The following PVR variants were observed in gnomAD, a reference collection of about 807,000 sequenced individuals.
PVR encodes the protein PVR cell adhesion molecule.
PVR carries 39 observed loss-of-function variants against 43.3 expected under a neutral mutation model. The ratio of observed to expected loss-of-function variants is 0.90; its 90% CI spans 0.70 to 1.18. The LOEUF (loss-of-function observed/expected upper bound fraction) is 1.18, where lower values mean the gene tolerates loss of function less well. PVR is among the 50% of genes most tolerant of loss of function. PVR has a pLI of 0.00. For missense variants in PVR, 480 were observed against 549.7 expected (o/e 0.87, Z 1.27); for synonymous variants, 224 against 233.2 (o/e 0.96, Z 0.36).
intron 1 of PVR, among the ~76,000 whole-genome samples, chr19:44,644,662 C>T (rs918695816): frequency 1.2e-4 from 18 of 151,446 alleles, no homozygotes; most frequent in African/African-American, 2.4e-5. Context: ...ACACCATTAC[C>T]CCTCTGACCC....
rs1042486293 is a variant in PVR, at chr19:44,663,725, C to T, written c.*1914C>T. ...CCATAAGGGCTGGGATTCCCAGGCA[C>T]CTTAGGAACAGCTTGTCTTTTTTTT... On this transcript the variant is annotated 3_prime_UTR_variant, in exon 8 of 8. Transcript: ENST00000425690. 6 of 151,318 alleles carry T rather than the reference C, an allele frequency of 4.0e-5. No homozygotes were observed. Among genetic ancestry groups the T allele is most frequent in the African/African-American group, 1.2e-4 (5 of 41,116 alleles). 9.4% of individuals were successfully genotyped at this position (151,318 alleles called of 1,614,324 possible).
intron 4 of PVR, among the ~76,000 whole-genome samples, chr19:44,655,717 T>G (rs1973425362): frequency 1.3e-5 from 2 of 152,196 alleles, no homozygotes; most frequent in South Asian, 4.1e-4. Context: ...CATAGGAATT[T>G]TCCAGTGAAC....
At position 44,665,179 on chromosome 19, in the gene PVR, T is replaced by G. The variant is rs1281579616; in HGVS notation, c.*3368T>G. 1 of 151,892 alleles carries G rather than the reference T, an allele frequency of 6.6e-6. No homozygotes were observed. The highest frequency in any genetic ancestry group is 1.5e-5 in the Non-Finnish European group (1 of 67,984). The allele number at this position is 151,892 out of a possible 1,614,324, so 9.4% of individuals were successfully genotyped here. A position where few individuals can be genotyped will look rare whatever the true frequency, so the allele number is the denominator to read the frequency against. On this transcript the variant is annotated 3_prime_UTR_variant, in exon 8 of 8. Transcript: ENST00000425690. ...GGCGGGGGGCAGGGTATGATGGAGA[T>G]CATAAGGAGGCTAAAACACTCCACA... is the stretch of plus-strand genomic sequence containing the variant.
At chr19:44,654,500 C>T (rs1973383848) in intron 4 of PVR, among the ~76,000 whole-genome samples, 1 of 152,194 alleles carries the variant, frequency 6.6e-6, no homozygotes, top group Non-Finnish European at 1.5e-5. Flanking sequence ...GGTGGATGCA[C>T]CTGCTTTTTG....
chr19:44,653,298 G>A (rs1973332376), intron 3 of PVR, among the ~76,000 whole-genome samples: 1 of 151,888 alleles, frequency 6.6e-6, no homozygotes, highest in South Asian at 2.1e-4. Context: ...TGTCTATACT[G>A]CTTACTCCCC....
intron 4 of PVR, among the ~76,000 whole-genome samples, chr19:44,656,632 G>A (rs1203612782): frequency 6.6e-6 from 1 of 152,212 alleles, no homozygotes; most frequent in Non-Finnish European, 1.5e-5. Flanking sequence ...AAAGTGTGTA[G>A]TGTGTGTGCA....
At chr19:44,661,558 C>A (rs527594911) in intron 7 of PVR, among the ~76,000 whole-genome samples, 182 bp from the exon 8 acceptor site, 50 of 152,258 alleles carry the variant, frequency 3.3e-4, no homozygotes, top group Admixed American at 2.8e-3. Flanking sequence ...TATCCGCTCT[C>A]TCCCCCCTGC....
intron 1 of PVR, among the ~76,000 whole-genome samples, chr19:44,644,687 C>T (rs1166325337): frequency 6.7e-6 from 1 of 149,328 alleles, no homozygotes; most frequent in East Asian, 1.9e-4. Flanking sequence ...TGTCTGACTC[C>T]AGGGGCCTGG....
chr19:44,647,580 G>A lies in PVR; in HGVS notation c.427+10G>A. The A allele has an allele frequency of 6.3e-7, 1 of 1,596,660 alleles. No individual in the cohort carries two copies. The highest frequency in any genetic ancestry group is 8.5e-7 in the Non-Finnish European group (1 of 1,169,912). ...TGGCTCCGAGTGCTTGGTGAGCAGG[G>A]GGTTTTGGGGAGGCTGAATGAAAGG... On this transcript the variant is annotated intron_variant, in intron 2 of 7. Transcript: ENST00000425690.
intron 2 of PVR, among the ~76,000 whole-genome samples, chr19:44,649,238 C>CT (rs1385815596): frequency 6.6e-6 from 1 of 152,138 alleles, no homozygotes; most frequent in Non-Finnish European, 1.5e-5. Flanking sequence ...GGCTCCAGCA[C>CT]TTTCCACCAA....
At chr19:44,649,310 G>T (rs983765507) in intron 2 of PVR, among the ~76,000 whole-genome samples, 1 of 152,016 alleles carries the variant, frequency 6.6e-6, no homozygotes, top group African/African-American at 2.4e-5. Context: ...TATTCTCATT[G>T]CCTGTGATCC....
Position 44,650,010 on chromosome 19 carries a change from C to T in PVR, c.629C>T (p.Pro210Leu), listed in dbSNP as rs993914663. ...VTVTSLWILV[P>L]SSQVDGKNVT... is the part of the protein sequence containing the mutation. ...GTCACCAGCCTCTGGATATTGGTGC[C>T]CTCAAGCCAGGTGGACGGCAAGAAT... Residue 210 changes from proline (P) to leucine (L), a missense_variant, in exon 3 of 8, where the codon CCC becomes CTC. By Grantham distance (98) the Pro-to-Leu change is moderately conservative. Transcript: ENST00000425690. 1.9e-6 allele frequency: 3 copies of T among 1,603,800 alleles called. No individual in the cohort carries two copies. Among genetic ancestry groups the T allele is most frequent in the Admixed American group, 1.7e-5 (1 of 58,836 alleles).
rs910332318 is a variant in PVR at position 44,666,154 on chromosome 19, A to G, written c.*4343A>G. 2 of 152,204 alleles carry G rather than the reference A, an allele frequency of 1.3e-5. No homozygotes were observed. Among genetic ancestry groups the G allele is most frequent in the African/African-American group, 2.4e-5 (1 of 41,436 alleles). 9.4% of individuals were successfully genotyped at this position (152,204 alleles called of 1,614,324 possible). ...AATAAACCTTGACTCTTCTTTTAAT[A>G]ATGCAAAAGGAATCGAAGTGATTGT... On this transcript the variant is annotated 3_prime_UTR_variant, in exon 8 of 8. Transcript: ENST00000425690.
chr19:44,647,083 T>TCCCCCC, intron 1 of PVR, 140 bp from the exon 2 acceptor site: 7 of 30,336 alleles, frequency 2.3e-4, no homozygotes, highest in East Asian at 1.2e-3. Context: ...CAGTTCCCCC[T>TCCCCCC]CCCCCCACAC....
chr19:44,664,760 G>T lies in PVR; in HGVS notation c.*2949G>T. On this transcript the variant is annotated 3_prime_UTR_variant, in exon 8 of 8. Transcript: ENST00000425690. ...AAAGGAATCTTGCCATCTTGCCCAG[G>T]CTGGTCTCAAATTCCTGGGCCCAAA... The T allele has an allele frequency of 6.6e-6, 1 of 150,774 alleles. No individual in the cohort carries two copies. The highest frequency in any genetic ancestry group is 1.5e-5 in the Non-Finnish European group (1 of 67,752). The allele number at this position is 150,774 out of a possible 1,614,324, so 9.3% of individuals were successfully genotyped here. A position where few individuals can be genotyped will look rare whatever the true frequency, so the allele number is the denominator to read the frequency against.
chr19:44,652,027 G>T (rs1973294965), intron 3 of PVR, among the ~76,000 whole-genome samples: 1 of 151,892 alleles, frequency 6.6e-6, no homozygotes, highest in Non-Finnish European at 1.5e-5. Context: ...CACGGTGGCG[G>T]GTGCCTGTAA....
At position 44,644,003 on chromosome 19, in the gene PVR, C is replaced by T. The variant is rs1972999188; in HGVS notation, c.-94C>T. The T allele has an allele frequency of 2.8e-6, 3 of 1,068,276 alleles. No homozygotes were observed. The highest frequency in any genetic ancestry group is 2.9e-5 in the Admixed American group (1 of 34,318). 66.2% of individuals were successfully genotyped at this position (1,068,276 alleles called of 1,614,324 possible). A position where few individuals can be genotyped will look rare whatever the true frequency, so the allele number is the denominator to read the frequency against. ...CCCGGGGATTCCAGGACCTGAGCTC[C>T]GGGAGCTGGACTCGCAGCGACCGCG... On this transcript the variant is annotated 5_prime_UTR_variant, in exon 1 of 8. Transcript: ENST00000425690.
intron 6 of PVR, among the ~76,000 whole-genome samples, chr19:44,659,342 C>T (rs1463509516): frequency 2.0e-5 from 3 of 152,218 alleles, no homozygotes; most frequent in African/African-American, 7.2e-5. Flanking sequence ...CTGCCTGGAG[C>T]ACCCTCCCAT....
intron 5 of PVR, among the ~76,000 whole-genome samples, chr19:44,658,377 G>T (rs1457022552): frequency 6.6e-6 from 1 of 152,186 alleles, no homozygotes; most frequent in Non-Finnish European, 1.5e-5. Flanking sequence ...GGCAGGCTCT[G>T]AAGCAAGATG....
Sources: gnomAD v4.1 joint callset for allele counts (sites outside exome capture counted in the v4.1 genomes callset) on GRCh38, gnomAD v4.1.1 for gene constraint, MANE v1.5 for transcripts, NCBI Gene and HGNC (gene_info 2026-07-23, HGNC 2026-07-21) for gene names.